The following ADGRV1 variants were observed in gnomAD, a reference collection of about 807,000 sequenced individuals.
ADGRV1 encodes adhesion G protein-coupled receptor V1.
In ADGRV1, 359 loss-of-function variants were observed where a neutral mutation model predicts 596.2. The ratio of observed to expected loss-of-function variants is 0.60; its 90% CI spans 0.55 to 0.66. ADGRV1 has a LOEUF of 0.66. ADGRV1 is among the 30% of genes least tolerant of loss of function. The probability of loss-of-function intolerance (pLI) is 0.00; values close to 1 mark genes in which losing one functional copy is unlikely to be tolerated. For missense variants in ADGRV1, 7,274 were observed against 7,575.6 expected, an observed-to-expected ratio of 0.96 and a Z score of 1.48; for synonymous variants, 2,681 against 2,679.2, an observed-to-expected ratio of 1.00 and a Z score of -0.02.
chr5:90,699,483 A>G (rs1437900581), intron 34 of ADGRV1, among the ~76,000 whole-genome samples: 1 of 152,204 alleles, frequency 6.6e-6, no homozygotes, highest in Non-Finnish European at 1.5e-5. Context: ...AAGAGCTGAG[A>G]TCAGGAAAGG....
intron 86 of ADGRV1, among the ~76,000 whole-genome samples, chr5:91,099,511 CTGAG>C (rs1222324514): frequency 6.6e-6 from 1 of 152,178 alleles, no homozygotes; most frequent in Admixed American, 6.5e-5. Flanking sequence ...TTGTGGGACA[CTGAG>C]TGAGTTTGGG....
chr5:91,130,043 A>T (rs1472985239), intron 87 of ADGRV1, among the ~76,000 whole-genome samples: 1 of 152,138 alleles, frequency 6.6e-6, no homozygotes, highest in Non-Finnish European at 1.5e-5. Context: ...TTGGAGTGGG[A>T]TTGGTGGTCA....
intron 10 of ADGRV1, among the ~76,000 whole-genome samples, chr5:90,636,873 T>C (rs180860491): frequency 1.3e-5 from 2 of 152,262 alleles, no homozygotes; most frequent in Admixed American, 1.3e-4. Flanking sequence ...ATAAAAAGAA[T>C]AGTGTAATCT....
intron 58 of ADGRV1, among the ~76,000 whole-genome samples, chr5:90,761,494 C>T (rs115870973): frequency 2.8e-3 from 430 of 152,292 alleles, no homozygotes; most frequent in Non-Finnish European, 4.5e-3. Flanking sequence ...TTCACAATAA[C>T]GTTTTTCATC....
At chr5:90,698,254 T>G (rs1009475204) in intron 34 of ADGRV1, among the ~76,000 whole-genome samples, 2 of 152,198 alleles carry the variant, frequency 1.3e-5, no homozygotes, top group African/African-American at 2.4e-5. Flanking sequence ...TTAATAATAA[T>G]GACAACAGTA....
Position 90,732,442 on chromosome 5 carries a change from C to T in ADGRV1, c.10549+2678C>T, listed in dbSNP as rs1752674898. ...TTGAGCTAATTAACCCATCCATTACCTCACATATTTACCTTTTTTTGATGA... is the reference window on the plus strand; with the variant it reads ...TTGAGCTAATTAACCCATCCATTACTTCACATATTTACCTTTTTTTGATGA... On this transcript the variant is annotated intron_variant, in intron 50 of 89. Coordinates refer to ENST00000405460, the MANE Select transcript of ADGRV1 (RefSeq NM_032119.4). Among the ~76,000 whole-genome samples, 3 of 152,158 alleles carry T rather than the reference C, an allele frequency of 2.0e-5. No individual in the cohort carries two copies. The South Asian group carries it at 6.2e-4, about 32-fold the overall frequency.
At chr5:90,743,469 A>G (rs1754219392) in intron 50 of ADGRV1, among the ~76,000 whole-genome samples, 1 of 121,034 alleles carries the variant, frequency 8.3e-6, no homozygotes, top group Non-Finnish European at 1.6e-5. Flanking sequence ...CTCATTTGAT[A>G]TCTTTTTTTT....
intron 84 of ADGRV1, among the ~76,000 whole-genome samples, chr5:90,972,894 A>C (rs1779184933): frequency 6.6e-6 from 1 of 152,174 alleles, no homozygotes; most frequent in Non-Finnish European, 1.5e-5. Flanking sequence ...AACCCTACAA[A>C]AAATCAATGA....
intron 87 of ADGRV1, among the ~76,000 whole-genome samples, chr5:91,143,866 G>GC (rs529875822): frequency 1.3e-5 from 2 of 152,186 alleles, no homozygotes; most frequent in Non-Finnish European, 2.9e-5. Flanking sequence ...GCTGCCCTCA[G>GC]CCCCCCTCAG....
intron 45 of ADGRV1, among the ~76,000 whole-genome samples, chr5:90,721,333 TC>T (rs1350692637): frequency 9.2e-5 from 14 of 151,586 alleles, no homozygotes; most frequent in African/African-American, 3.1e-4. Flanking sequence ...TGAAACCCCA[TC>T]TTTACTAAAA....
intron 86 of ADGRV1, among the ~76,000 whole-genome samples, chr5:91,093,491 T>C (rs544169963): frequency 1.7e-4 from 26 of 152,368 alleles, no homozygotes; most frequent in African/African-American, 6.3e-4. Flanking sequence ...ACAATTCTTT[T>C]ATTGAACAAA....
In ADGRV1 at chr5:91,095,676, C is replaced by T. The variant is rs1008372974; in HGVS notation, c.18311-6543C>T. ...GTATCTGTGAATTTCAGAATAAAGA[C>T]CTATGTTTTAGAAATAAGGCTCTTT... On this transcript the variant is annotated intron_variant, in intron 86 of 89. Transcript: ENST00000405460. Among the ~76,000 whole-genome samples, 57 of 151,982 alleles carry T rather than the reference C, an allele frequency of 3.8e-4. 1 individual carries two copies. The highest frequency in any genetic ancestry group is 1.5e-3 in the Admixed American group (23 of 15,242).
At chr5:91,126,551 T>C (rs1222357513) in intron 87 of ADGRV1, among the ~76,000 whole-genome samples, 2 of 152,206 alleles carry the variant, frequency 1.3e-5, no homozygotes, top group East Asian at 1.9e-4. Context: ...AGCAGTCTGG[T>C]GGCCTTGAGC....
chr5:91,016,766 A>G (rs950137070), intron 85 of ADGRV1, among the ~76,000 whole-genome samples: 3 of 151,978 alleles, frequency 2.0e-5, no homozygotes, highest in Admixed American at 2.0e-4. Context: ...CATCAATTCA[A>G]TAAATATTTT....
chr5:90,711,091 T>C, intron 40 of ADGRV1, 32 bp downstream of exon 40: 1 of 1,578,916 alleles, frequency 6.3e-7, no homozygotes. Context: ...AGCCCTCTTC[T>C]GGGTTTCATA....
At chr5:91,149,078 A>G (rs1795799036) in intron 87 of ADGRV1, among the ~76,000 whole-genome samples, 2 of 152,186 alleles carry the variant, frequency 1.3e-5, no homozygotes, top group South Asian at 4.1e-4. Context: ...TTACAGGCTC[A>G]GAGGTGGAAG....
chr5:90,925,847 G>A (rs1399355584), intron 83 of ADGRV1, among the ~76,000 whole-genome samples: 4 of 127,052 alleles, frequency 3.1e-5, no homozygotes, highest in African/African-American at 5.6e-5. Context: ...ATGAAGGGTT[G>A]TTGAATTTTG....
At chr5:90,999,320 C>G (rs949671860) in intron 85 of ADGRV1, among the ~76,000 whole-genome samples, 18 of 151,928 alleles carry the variant, frequency 1.2e-4, no homozygotes, top group Admixed American at 4.6e-4. Context: ...TTTCCATCTA[C>G]AATAATAGTA....
At position 90,681,377 on chromosome 5, in the gene ADGRV1, G is replaced by A. The variant is rs529184143; in HGVS notation, c.5587G>A (p.Val1863Ile). 62 of 1,613,782 alleles carry A rather than the reference G, an allele frequency of 3.8e-5. No individual in the cohort carries two copies. Among genetic ancestry groups the A allele is most frequent in the South Asian group, 9.9e-5 (9 of 91,074 alleles). ...TGCAGCCTCTGACCACGCTCATGGCGTATTTGAATTTAGCCCTGAGTCACT... is the reference window on the plus strand; with the variant it reads ...TGCAGCCTCTGACCACGCTCATGGCATATTTGAATTTAGCCCTGAGTCACT... ...TIAASDHAHGVFEFSPESLFV... is the reference protein window; with the variant it reads ...TIAASDHAHGIFEFSPESLFV... Residue 1863 changes from valine to isoleucine, a missense_variant, in exon 27 of 90, where the codon GTA becomes ATA. By Grantham distance (29) the Val-to-Ile change is conservative. Around this residue, in one of 5 missense-constraint regions of ADGRV1, gnomAD observed 3,643 missense variants for 3,809.2 expected, o/e 0.96. Coordinates refer to ENST00000405460, the MANE Select transcript of ADGRV1 (RefSeq NM_032119.4).
Sources: gnomAD v4.1 joint callset for allele counts (sites outside exome capture counted in the v4.1 genomes callset) on GRCh38, gnomAD v4.1.1 for gene constraint, gnomAD v4.1.1 regional missense constraint, MANE v1.5 for transcripts, NCBI Gene and HGNC (gene_info 2026-07-23, HGNC 2026-07-21) for gene names.